TAS2R7: variants seen among roughly 807,000 people sequenced by gnomAD.
TAS2R7 encodes the protein taste 2 receptor member 7.
For synonymous variants in TAS2R7, 159 were observed against 138.8 expected (o/e 1.15, Z -1.02); for missense variants, 403 against 366.0 (o/e 1.10, Z -0.82).
In TAS2R7 at chr12:10,801,821, G is replaced by A. The variant is rs201086265; in HGVS notation, c.750C>T (p.Ser250=). The change falls in exon 1 of 1, where the codon TCC becomes TCT. Residue 250 remains serine (S), a synonymous_variant. Transcript: ENST00000240687. ...FLLLFIAYYL[S]FLIATSSYFM... ...AGTAGCTGGAGGTGGCAATGAGAAA[G>A]GACAAATAGTAGGCAATAAAGAGGA... 523 of 1,613,990 alleles carry A rather than the reference G, an allele frequency of 3.2e-4. 1 individual carries two copies. In the Middle Eastern group the frequency reaches 4.3e-3, roughly 13 times the overall value.
chr12:10,801,957 A>G lies in TAS2R7; in HGVS notation c.614T>C (p.Ile205Thr). 1 of 1,613,940 alleles carries G rather than the reference A, an allele frequency of 6.2e-7. No homozygotes were observed. The highest frequency in any genetic ancestry group is 1.3e-5 in the African/African-American group (1 of 75,032). The stretch of plus-strand genomic sequence containing the variant: ...CCTGATATGTCTCCGCAGGGAGAGG[A>G]TCAAGAGGAAAAAGGACATTAGGCA... ...CVCLMSFFLLILSLRRHIRRM... is the reference protein window; with the variant it reads ...CVCLMSFFLLTLSLRRHIRRM... The change falls in exon 1 of 1, where the codon ATC becomes ACC. Residue 205 changes from isoleucine to threonine, a missense_variant. Physicochemically the swap from Ile to Thr is moderately conservative, Grantham distance 89. Coordinates refer to ENST00000240687, the MANE Select transcript of TAS2R7 (RefSeq NM_023919.2).
rs1237655174 is a variant in TAS2R7, at chr12:10,802,054, T to C, written c.517A>G (p.Arg173Gly). 3 of 1,613,942 alleles carry C rather than the reference T, an allele frequency of 1.9e-6. No homozygotes were observed. The highest frequency in any genetic ancestry group is 1.1e-5 in the South Asian group (1 of 91,078). Residue 173 changes from arginine (R) to glycine (G), a missense_variant, in exon 1 of 1, where the codon AGA (arginine) becomes GGA (glycine). Transcript: ENST00000240687. ...GAAGCATGTTGAGTTTTATTTACTC[T>C]GCAACTCCAAGTTAAGTTTGTTTTC... ...KRKTNLTWSCRVNKTQHASTK... is the reference protein window; with the variant it reads ...KRKTNLTWSCGVNKTQHASTK...
chr12:10,802,486 A>C lies in TAS2R7; in HGVS notation c.85T>G (p.Leu29Val). The change falls in exon 1 of 1, where the codon TTG (leucine) becomes GTG (valine). Residue 29 changes from leucine to valine, a missense_variant. Leu to Val is a conservative substitution (Grantham distance 32, BLOSUM62 1). Coordinates refer to ENST00000240687, the MANE Select transcript of TAS2R7 (RefSeq NM_023919.2). The stretch of plus-strand genomic sequence containing the variant: ...TTGACCCAGTCCATGCAGTTTACCA[A>C]TCCAATGAATGCATTCCCTAAGATC... The part of the protein sequence containing the change: ...VGILGNAFIG[L>V]VNCMDWVKKR... 1 of 1,614,038 alleles carries C rather than the reference A, an allele frequency of 6.2e-7. No homozygotes were observed.
At position 10,802,500 on chromosome 12, in the gene TAS2R7, T is replaced by G. The variant is rs1055469754; in HGVS notation, c.71A>C (p.Asn24Thr). ...VGEFSVGILG[N>T]AFIGLVNCMD... ...GCAGTTTACCAATCCAATGAATGCA[T>G]TCCCTAAGATCCCCACTGAAAACTC... Residue 24 changes from asparagine to threonine, a missense_variant, in exon 1 of 1, where the codon AAT (asparagine) becomes ACT (threonine). Transcript: ENST00000240687. 1 of 1,613,906 alleles carries G rather than the reference T, an allele frequency of 6.2e-7. No homozygotes were observed. The highest frequency in any genetic ancestry group is 8.5e-7 in the Non-Finnish European group (1 of 1,179,944).
rs146082253 is a variant in TAS2R7, at chr12:10,802,269, G to A, written c.302C>T (p.Thr101Ile). Reference protein sequence around the residue: ...LTNHLSIWFATCLSIYYFFKI... With the variant: ...LTNHLSIWFAICLSIYYFFKI... ...GAAGAAATAGTAAATGCTGAGGCAG[G>A]TTGCAAACCAGATACTTAAATGATT... Residue 101 changes from threonine to isoleucine, a missense_variant, in exon 1 of 1, where the codon ACC becomes ATC. Physicochemically the swap from Thr to Ile is moderately conservative, Grantham distance 89. Transcript: ENST00000240687. The A allele has an allele frequency of 8.1e-5, 131 of 1,613,748 alleles. No individual in the cohort carries two copies. The highest frequency in any genetic ancestry group is 1.1e-4 in the Non-Finnish European group (127 of 1,179,942).
Position 10,802,030 on chromosome 12 carries a change from A to C in TAS2R7, c.541T>G (p.Ser181Ala). The change falls in exon 1 of 1, where the codon TCT (serine) becomes GCT (alanine). Residue 181 changes from serine (S) to alanine (A), a missense_variant. By Grantham distance (99) the Ser-to-Ala change is moderately conservative. Transcript: ENST00000240687. ...SCRVNKTQHA[S>A]TKLFLNLATL... ...GCCAGGTTGAGAAATAACTTGGTAG[A>C]AGCATGTTGAGTTTTATTTACTCTG... 1 of 1,613,870 alleles carries C rather than the reference A, an allele frequency of 6.2e-7. No individual in the cohort carries two copies. The highest frequency in any genetic ancestry group is 8.5e-7 in the Non-Finnish European group (1 of 1,179,946).
chr12:10,802,237 C>T lies in TAS2R7; in HGVS notation c.334G>A (p.Gly112Ser). The change falls in exon 1 of 1, where the codon GGT (glycine) becomes AGT (serine). Residue 112 changes from glycine to serine, a missense_variant. Gly to Ser is a moderately conservative substitution (Grantham distance 56). Transcript: ENST00000240687. ...AGGAAAAGTGGGTGAAAGAAATTAC[C>T]TATCTTGAAGAAATAGTAAATGCTG... ...CLSIYYFFKI[G>S]NFFHPLFLWM... The T allele has an allele frequency of 6.2e-7, 1 of 1,613,694 alleles. No individual in the cohort carries two copies. Among genetic ancestry groups the T allele is most frequent in the Non-Finnish European group, 8.5e-7 (1 of 1,179,904 alleles).
In TAS2R7 at chr12:10,802,620, A is replaced by G; in HGVS notation, c.-50T>C. 6.8e-7 allele frequency: 1 copy of G among 1,460,656 alleles called. No homozygotes were observed. Among genetic ancestry groups the G allele is most frequent in the Non-Finnish European group, 9.4e-7 (1 of 1,064,760 alleles). The allele number at this position is 1,460,656 out of a possible 1,614,324, so 90.5% of individuals were successfully genotyped here. On this transcript the variant is annotated 5_prime_UTR_variant, in exon 1 of 1. Coordinates refer to ENST00000240687, the MANE Select transcript of TAS2R7 (RefSeq NM_023919.2). Reference sequence around the variant, plus strand: ...GTTGACCTGATGGAGTTTGACATCCACACCTGCTTCTTAGATTTTGATGTA... The same window carrying G: ...GTTGACCTGATGGAGTTTGACATCCGCACCTGCTTCTTAGATTTTGATGTA...
Position 10,801,752 on chromosome 12 carries a change from T to C in TAS2R7, c.819A>G (p.Ile273Met). Residue 273 changes from isoleucine (I) to methionine (M), a missense_variant, in exon 1 of 1, where the codon ATA becomes ATG. By Grantham distance (10) the Ile-to-Met change is conservative. Coordinates refer to ENST00000240687, the MANE Select transcript of TAS2R7 (RefSeq NM_023919.2). Reference protein sequence around the residue: ...TELAVIFGESIALIYPSSHSF... With the variant: ...TELAVIFGESMALIYPSSHSF... ...AATGACTTGAGGGGTAGATTAGAGCTATGGACTCACCAAAAATCACAGCTA... is the reference window on the plus strand; with the variant it reads ...AATGACTTGAGGGGTAGATTAGAGCCATGGACTCACCAAAAATCACAGCTA... The C allele has an allele frequency of 6.2e-7, 1 of 1,614,016 alleles. No homozygotes were observed. The highest frequency in any genetic ancestry group is 8.5e-7 in the Non-Finnish European group (1 of 1,179,966).
rs773557952 is a variant in TAS2R7, at chr12:10,802,479, T to A, written c.92A>T (p.Asn31Ile). The part of the protein sequence containing the change: ...ILGNAFIGLV[N>I]CMDWVKKRKI... ...CCTCTTCTTGACCCAGTCCATGCAG[T>A]TTACCAATCCAATGAATGCATTCCC... is the stretch of plus-strand genomic sequence containing the variant. Residue 31 changes from asparagine (N) to isoleucine (I), a missense_variant, in exon 1 of 1, where the codon AAC becomes ATC. Transcript: ENST00000240687. 1 of 1,614,012 alleles carries A rather than the reference T, an allele frequency of 6.2e-7. No homozygotes were observed. The highest frequency in any genetic ancestry group is 8.5e-7 in the Non-Finnish European group (1 of 1,179,934).
Position 10,801,934 on chromosome 12 carries a change from TGATA to T in TAS2R7, c.633_636del (p.His211GlnfsTer20), listed in dbSNP as rs752633331. 31 of 1,613,838 alleles carry T rather than the reference TGATA, an allele frequency of 1.9e-5. No homozygotes were observed. Among genetic ancestry groups the T allele is most frequent in the Non-Finnish European group, 2.5e-5 (30 of 1,179,992 alleles). ...CCTGTGGCACTGAGCTGCATTCGCC[TGATA>T]TGTCTCCGCAGGGAGAGGATCAAGA... is the stretch of plus-strand genomic sequence containing the variant. On this transcript the variant is annotated frameshift_variant, in exon 1 of 1. Transcript: ENST00000240687. LOFTEE classifies it low-confidence loss of function (END_TRUNC).
rs1948694256 is a variant in TAS2R7, at chr12:10,802,282, T to C, written c.289A>G (p.Ile97Val). Residue 97 changes from isoleucine to valine, a missense_variant, in exon 1 of 1, where the codon ATC (isoleucine) becomes GTC (valine). Physicochemically the swap from Ile to Val is conservative, Grantham distance 29. Transcript: ENST00000240687. ...ATGCTGAGGCAGGTTGCAAACCAGA[T>C]ACTTAAATGATTGGTTAGTGTCCAG... ...FFWTLTNHLS[I>V]WFATCLSIYY... The C allele has an allele frequency of 6.2e-7, 1 of 1,613,976 alleles. No individual in the cohort carries two copies. The highest frequency in any genetic ancestry group is 8.5e-7 in the Non-Finnish European group (1 of 1,179,962).
In TAS2R7 at chr12:10,802,193, A is replaced by T. The variant is rs142876948; in HGVS notation, c.378T>A (p.Ile126=). The T allele has an allele frequency of 1.2e-6, 2 of 1,613,804 alleles. No homozygotes were observed. The highest frequency in any genetic ancestry group is 1.7e-6 in the Non-Finnish European group (2 of 1,179,912). Residue 126 remains isoleucine, a synonymous_variant, in exon 1 of 1, where the codon ATT becomes ATA. Coordinates refer to ENST00000240687, the MANE Select transcript of TAS2R7 (RefSeq NM_023919.2). ...HPLFLWMKWR[I]DRVISWILLG... is the part of the protein sequence containing the mutation. ...GTAGAATCCAGGAAATCACCCTGTCAATTCTCCACTTCATCCAGAGGAAAA... is the reference window on the plus strand; with the variant it reads ...GTAGAATCCAGGAAATCACCCTGTCTATTCTCCACTTCATCCAGAGGAAAA...
At position 10,801,804 on chromosome 12, in the gene TAS2R7, G is replaced by C. The variant is rs143503106; in HGVS notation, c.767C>G (p.Ser256Cys). The C allele has an allele frequency of 1.9e-6, 3 of 1,613,912 alleles. No individual in the cohort carries two copies. The African/African-American group carries it at 4.0e-5, about 22-fold the overall frequency. Residue 256 changes from serine to cysteine, a missense_variant, in exon 1 of 1, where the codon TCC becomes TGC. By Grantham distance (112) the Ser-to-Cys change is moderately radical. Coordinates refer to ENST00000240687, the MANE Select transcript of TAS2R7 (RefSeq NM_023919.2). ...TTCCGTCTCTGGCATAAAGTAGCTG[G>C]AGGTGGCAATGAGAAAGGACAAATA... ...AYYLSFLIAT[S>C]SYFMPETELA...
rs555855507 is a variant in TAS2R7 at position 10,801,922 on chromosome 12, G to C, written c.649C>G (p.Leu217Val). 6.2e-7 allele frequency: 1 copy of C among 1,613,968 alleles called. No individual in the cohort carries two copies. Among genetic ancestry groups the C allele is most frequent in the South Asian group, 1.1e-5 (1 of 91,070 alleles). Residue 217 changes from leucine to valine, a missense_variant, in exon 1 of 1, where the codon CTC (leucine) becomes GTC (valine). Physicochemically the swap from Leu to Val is conservative, Grantham distance 32. Transcript: ENST00000240687. ...SLRRHIRRMQ[L>V]SATGCRDPST... is the part of the protein sequence containing the mutation. ...GGGTCTCTGCACCCTGTGGCACTGA[G>C]CTGCATTCGCCTGATATGTCTCCGC...
In TAS2R7 at chr12:10,801,984, AC is replaced by A. The variant is rs1565410113; in HGVS notation, c.586del (p.Val196CysfsTer3). On this transcript the variant is annotated frameshift_variant, in exon 1 of 1. Coordinates refer to ENST00000240687, the MANE Select transcript of TAS2R7 (RefSeq NM_023919.2). LOFTEE classifies it low-confidence loss of function (END_TRUNC). ...CAAGAGGAAAAAGGACATTAGGCAC[AC>A]ACAAAAGGGGAGCAGCGTTGCCAGG... The part of the protein sequence containing the change: ...LNLATLLPFC[V>X]CLMSFFLLIL... 6 of 1,613,874 alleles carry A rather than the reference AC, an allele frequency of 3.7e-6. No homozygotes were observed. In the South Asian group the frequency reaches 6.6e-5, roughly 18 times the overall value.
In TAS2R7 at chr12:10,802,622, A is replaced by G; in HGVS notation, c.-52T>C. ...TGACCTGATGGAGTTTGACATCCAC[A>G]CCTGCTTCTTAGATTTTGATGTAGT... On this transcript the variant is annotated 5_prime_UTR_variant, in exon 1 of 1. Transcript: ENST00000240687. 6.9e-7 allele frequency: 1 copy of G among 1,444,128 alleles called. No individual in the cohort carries two copies. The highest frequency in any genetic ancestry group is 2.0e-5 in the Admixed American group (1 of 51,202). The allele number at this position is 1,444,128 out of a possible 1,614,324, so 89.5% of individuals were successfully genotyped here.
rs138647952 is a variant in TAS2R7, at chr12:10,802,390, C to T, written c.181G>A (p.Val61Ile). The change falls in exon 1 of 1, where the codon GTA (valine) becomes ATA (isoleucine). Residue 61 changes from valine (V) to isoleucine (I), a missense_variant. Physicochemically the swap from Val to Ile is conservative, Grantham distance 29. Coordinates refer to ENST00000240687, the MANE Select transcript of TAS2R7 (RefSeq NM_023919.2). ...LAISRICLLC[V>I]ILLDCFILVL... is the part of the protein sequence containing the mutation. ...AATATAAAACAATCTAATAGTATTACGCACAATAGACAAATTCTGGATATG... is the reference window on the plus strand; with the variant it reads ...AATATAAAACAATCTAATAGTATTATGCACAATAGACAAATTCTGGATATG... 895 of 1,613,964 alleles carry T rather than the reference C, an allele frequency of 5.5e-4. 4 individuals carry two copies. In the African/African-American group the frequency reaches 0.011, roughly 19 times the overall value.
In TAS2R7 at chr12:10,802,166, C is replaced by T; in HGVS notation, c.405G>A (p.Leu135=). The T allele has an allele frequency of 6.2e-7, 1 of 1,613,732 alleles. No individual in the cohort carries two copies. Among genetic ancestry groups the T allele is most frequent in the Non-Finnish European group, 8.5e-7 (1 of 1,179,912 alleles). The part of the protein sequence containing the change: ...RIDRVISWIL[L]GCVVLSVFIS... ...TAAACACAGAGAGAACCACGCACCC[C>T]AGTAGAATCCAGGAAATCACCCTGT... The change falls in exon 1 of 1, where the codon CTG becomes CTA. Residue 135 remains leucine (L), a synonymous_variant. Transcript: ENST00000240687.
Sources: allele counts gnomAD v4.1 joint callset, GRCh38; gene constraint gnomAD v4.1.1; transcripts MANE v1.5; gene names NCBI Gene and HGNC (gene_info 2026-07-23, HGNC 2026-07-21).